The following RP1 variants were observed in gnomAD, a reference collection of about 807,000 sequenced individuals.
RP1 encodes oxygen-regulated protein 1.
Under a neutral mutation model 14.8 loss-of-function variants are expected in RP1, and 16 were observed. That is an observed-to-expected ratio of 1.08 (90% CI 0.73 to 1.65). RP1 has a LOEUF of 1.65. Among genes scored for constraint, RP1 ranks in the 40% most tolerant of loss-of-function variants. The pLI is 0.00. For missense variants in RP1, 2,631 were observed against 2,535.0 expected (o/e 1.04, Z -0.81); for synonymous variants, 876 against 883.6 (o/e 0.99, Z 0.15).
intron 1 of RP1, among the ~76,000 whole-genome samples, chr8:54,583,326 AC>A (rs1804841782): frequency 6.6e-6 from 1 of 152,138 alleles, no homozygotes; most frequent in African/African-American, 2.4e-5. Context: ...ATGTTGAACC[AC>A]CCTTGCATCC....
At chr8:54,870,781 G>A (rs1391461) in exon 29 of RP1, 80,814 of 151,766 alleles carry the variant, frequency 0.53, 21,849 homozygotes, top group East Asian at 0.77. Flanking sequence ...ATTTTGCCCC[G>A]TGAGGTAGAT....
At chr8:54,644,352 G>C (rs1472947762) in intron 3 of RP1, among the ~76,000 whole-genome samples, 1 of 152,200 alleles carries the variant, frequency 6.6e-6, no homozygotes, top group African/African-American at 2.4e-5. Context: ...CCCAAGGGCA[G>C]TGGCTTTACC....
intron 1 of RP1, among the ~76,000 whole-genome samples, chr8:54,605,478 A>G (rs1266702823): frequency 6.6e-6 from 1 of 152,042 alleles, no homozygotes; most frequent in Non-Finnish European, 1.5e-5. Context: ...CAGTTTTGGA[A>G]TAGGTGTAGT....
intron 12 of RP1, among the ~76,000 whole-genome samples, chr8:54,686,099 A>G: frequency 6.6e-6 from 1 of 152,204 alleles, no homozygotes; most frequent in East Asian, 1.9e-4. Flanking sequence ...TGCCATATAC[A>G]AAGCAGAATG....
intron 24 of RP1, among the ~76,000 whole-genome samples, chr8:54,792,296 G>C (rs1384302209): frequency 1.3e-5 from 2 of 151,992 alleles, no homozygotes; most frequent in South Asian, 4.1e-4. Flanking sequence ...CTCAATGACG[G>C]ATAGATCATC....
intron 7 of RP1, among the ~76,000 whole-genome samples, chr8:54,670,288 C>A (rs1807123663): frequency 6.6e-6 from 1 of 151,458 alleles, no homozygotes; most frequent in African/African-American, 2.4e-5. Context: ...CGGTGTTGGT[C>A]ATGTCCACTT....
chr8:54,797,027 G>A (rs1469774374), intron 24 of RP1, among the ~76,000 whole-genome samples: 1 of 152,138 alleles, frequency 6.6e-6, no homozygotes, highest in Non-Finnish European at 1.5e-5. Flanking sequence ...TGATCATTAC[G>A]TTTGTGAGAG....
intron 17 of RP1, among the ~76,000 whole-genome samples, chr8:54,733,142 T>C (rs1231452914): frequency 6.6e-6 from 1 of 152,212 alleles, no homozygotes; most frequent in Admixed American, 6.5e-5. Context: ...CCTATCAAGC[T>C]TGTTTAAGTG....
At chr8:54,591,266 C>T (rs1294376919) in intron 1 of RP1, among the ~76,000 whole-genome samples, 1 of 152,150 alleles carries the variant, frequency 6.6e-6, no homozygotes, top group East Asian at 1.9e-4. Flanking sequence ...AAAAATCTGG[C>T]CTCTTCCTAT....
At chr8:54,580,032 T>C (rs1012508395) in intron 1 of RP1, among the ~76,000 whole-genome samples, 2 of 152,268 alleles carry the variant, frequency 1.3e-5, no homozygotes, top group East Asian at 1.9e-4. Flanking sequence ...GCTGTAGTAA[T>C]GGCCCAGAGC....
rs1185621627 is a variant in RP1, at chr8:54,627,407, A to G, written c.3525A>G (p.Glu1175=). 2 of 1,614,196 alleles carry G rather than the reference A, an allele frequency of 1.2e-6. No homozygotes were observed. Among genetic ancestry groups the G allele is most frequent in the Non-Finnish European group, 1.7e-6 (2 of 1,179,990 alleles). The change falls in exon 4 of 4, where the codon GAA becomes GAG. Residue 1175 remains glutamate (E), a synonymous_variant. Transcript: ENST00000220676. ...TAAAGCACATAGCTATCACAGAGGA[A>G]GCTGATGACTTGAAAGCTGCTGTTG... ...EILKHIAITE[E]ADDLKAAVAN...
chr8:54,576,506 G>A (rs1296755829), intron 1 of RP1, among the ~76,000 whole-genome samples: 2 of 152,190 alleles, frequency 1.3e-5, no homozygotes, highest in African/African-American at 4.8e-5. Context: ...CTTTAAAGAT[G>A]TTCTTCAAAG....
chr8:54,806,105 G>A (rs897968827), intron 24 of RP1, among the ~76,000 whole-genome samples: 4 of 151,942 alleles, frequency 2.6e-5, no homozygotes, highest in East Asian at 1.9e-4. Context: ...TGCAACCTTC[G>A]CCTCCCGGAT....
intron 19 of RP1, among the ~76,000 whole-genome samples, chr8:54,741,262 T>A (rs950656125): frequency 1.3e-5 from 2 of 152,164 alleles, no homozygotes; most frequent in African/African-American, 4.8e-5. Flanking sequence ...TACAATAATG[T>A]CCTAGGCCTT....
At chr8:54,573,315 G>C (rs1261523698) in intron 1 of RP1, among the ~76,000 whole-genome samples, 1 of 152,184 alleles carries the variant, frequency 6.6e-6, no homozygotes, top group African/African-American at 2.4e-5. Flanking sequence ...TAATGGCACT[G>C]TGTCAGCCGT....
At chr8:54,868,687 T>A (rs184084644) in intron 28 of RP1, among the ~76,000 whole-genome samples, 3 of 152,202 alleles carry the variant, frequency 2.0e-5, no homozygotes, top group Non-Finnish European at 4.4e-5. Context: ...CTGCACAAGA[T>A]ATCAAGTTTA....
chr8:54,563,063 C>A (rs1804322460), intron 1 of RP1, among the ~76,000 whole-genome samples: 2 of 152,210 alleles, frequency 1.3e-5, no homozygotes, highest in South Asian at 4.1e-4. Context: ...AACTTTACAT[C>A]CTATCATCTG....
chr8:54,600,545 G>A (rs1221010309), intron 1 of RP1, among the ~76,000 whole-genome samples: 1 of 152,080 alleles, frequency 6.6e-6, no homozygotes, highest in Admixed American at 6.5e-5. Context: ...GGAGTGTGGT[G>A]GCTTTACTAC....
chr8:54,864,834 T>C (rs184682305), intron 27 of RP1, among the ~76,000 whole-genome samples: 1 of 152,318 alleles, frequency 6.6e-6, no homozygotes, highest in African/African-American at 2.4e-5. Flanking sequence ...TGTGATATTC[T>C]TGGGCCTTTA....
Sources: gnomAD v4.1 joint callset for allele counts (sites outside exome capture counted in the v4.1 genomes callset) on GRCh38, gnomAD v4.1.1 for gene constraint, MANE v1.5 for transcripts, NCBI Gene and HGNC (gene_info 2026-07-23, HGNC 2026-07-21) for gene names.